The following SHLD1 variants were observed in gnomAD, a reference collection of about 807,000 sequenced individuals.
SHLD1 encodes the protein shieldin complex subunit 1, also known as RINN1-REV7-interacting novel NHEJ regulator 3.
In SHLD1, 3 loss-of-function variants were observed where a neutral mutation model predicts 5.5. The ratio of observed to expected loss-of-function variants is 0.54; its 90% CI spans 0.25 to 1.40. The LOEUF is 1.40. Ranked by LOEUF, SHLD1 falls within the 40% of genes most tolerant of loss-of-function variation. The probability of loss-of-function intolerance (pLI) is 0.15; values close to 1 mark genes in which losing one functional copy is unlikely to be tolerated. For synonymous variants in SHLD1, 92 were observed against 94.3 expected, an observed-to-expected ratio of 0.98 and a Z score of 0.14; for missense variants, 210 against 244.4, an observed-to-expected ratio of 0.86 and a Z score of 0.94.
chr20:5,844,799 A>ATATATTT (rs1460082835), intron 2 of SHLD1, among the ~76,000 whole-genome samples: 12 of 71,714 alleles, frequency 1.7e-4, no homozygotes, highest in East Asian at 1.5e-3. Context: ...ATATATATAT[A>ATATATTT]TTTTTTTTTT....
intron 1 of SHLD1, among the ~76,000 whole-genome samples, chr20:5,761,830 A>G (rs1368015174): frequency 6.6e-6 from 1 of 151,786 alleles, no homozygotes; most frequent in Non-Finnish European, 1.5e-5. Context: ...CTGCTCTCGA[A>G]CTACTGACCT....
At chr20:5,826,666 T>G (rs2087669097) in intron 2 of SHLD1, among the ~76,000 whole-genome samples, 1 of 152,116 alleles carries the variant, frequency 6.6e-6, no homozygotes. Context: ...AGAATATGAC[T>G]CTGGTACCGG....
chr20:5,859,698 A>G (rs1428175051), intron 2 of SHLD1, among the ~76,000 whole-genome samples: 2 of 152,240 alleles, frequency 1.3e-5, no homozygotes, highest in Admixed American at 6.5e-5. Flanking sequence ...AAATTTTAAA[A>G]GGAAATCAAA....
chr20:5,854,869 A>G (rs1600182853), intron 2 of SHLD1, among the ~76,000 whole-genome samples: 1 of 34,544 alleles, frequency 2.9e-5, no homozygotes, highest in African/African-American at 2.3e-4. Context: ...TGTCTCTATG[A>G]CTCTTTTTTT....
chr20:5,765,907 C>A (rs182485746), intron 1 of SHLD1, among the ~76,000 whole-genome samples: 1 of 150,806 alleles, frequency 6.6e-6, no homozygotes, highest in African/African-American at 2.4e-5. Context: ...ACATCAGCTA[C>A]TGCGCCCAGC....
rs865858854 is a variant in SHLD1 at position 5,758,431 on chromosome 20, T to A, written c.-5+7952T>A. On this transcript the variant is annotated intron_variant, in intron 1 of 2. Transcript: ENST00000303142. ...AAGTATTATTTTTTTTTATATTTTT[T>A]TTTTTTAGATGGAGTCTCGCTCTGT... is the stretch of plus-strand genomic sequence containing the variant. Among the ~76,000 whole-genome samples, 144 of 151,536 alleles carry A rather than the reference T, an allele frequency of 9.5e-4. 1 individual carries two copies. Among genetic ancestry groups the A allele is most frequent in the South Asian group, 6.1e-3 (29 of 4,792 alleles).
At chr20:5,772,213 C>T (rs1400392336) in intron 1 of SHLD1, 1 of 452,110 alleles carries the variant, frequency 2.2e-6, no homozygotes, top group Non-Finnish European at 4.4e-6. Context: ...TATTTTGTGG[C>T]CTATCTTTGG....
At position 5,777,458 on chromosome 20, in the gene SHLD1, C is replaced by T. The variant is rs371347262; in HGVS notation, c.178+4415C>T. Among the ~76,000 whole-genome samples, 17 of 151,412 alleles carry T rather than the reference C, an allele frequency of 1.1e-4. No individual in the cohort carries two copies. In the South Asian group the frequency reaches 2.1e-3, roughly 19 times the overall value. On this transcript the variant is annotated intron_variant, in intron 2 of 2. Coordinates refer to ENST00000303142, the MANE Select transcript of SHLD1 (RefSeq NM_152504.4). Reference sequence around the variant, plus strand: ...AATGTTTCACTTTTTTTTTCTTTTTCGAGGTATGATCCTGCTTTGTTGCCC... The same window carrying T: ...AATGTTTCACTTTTTTTTTCTTTTTTGAGGTATGATCCTGCTTTGTTGCCC...
intron 2 of SHLD1, among the ~76,000 whole-genome samples, chr20:5,805,330 T>C (rs1220519814): frequency 2.6e-5 from 4 of 152,074 alleles, no homozygotes; most frequent in Non-Finnish European, 1.5e-5. Flanking sequence ...GCTAATTTTG[T>C]ATTTTTAGTA....
At chr20:5,813,345 C>T (rs1227486153) in intron 2 of SHLD1, among the ~76,000 whole-genome samples, 8 of 151,774 alleles carry the variant, frequency 5.3e-5, no homozygotes, top group Admixed American at 2.0e-4. Context: ...AAAAAAATAG[C>T]GAGGCGTGGT....
Position 5,806,113 on chromosome 20 carries a change from C to T in SHLD1, c.178+33070C>T, listed in dbSNP as rs143811635. On this transcript the variant is annotated intron_variant, in intron 2 of 2. Coordinates refer to ENST00000303142, the MANE Select transcript of SHLD1 (RefSeq NM_152504.4). The surrounding 1 kb of genome is among the most constrained non-coding windows in gnomAD (Gnocchi z 7.6). ...CTCCTGGGTTCAAGTGATTCTCCTG[C>T]GTCAGCCTCCCAAAATGTTGGGATA... Among the ~76,000 whole-genome samples, 233 of 152,296 alleles carry T rather than the reference C, an allele frequency of 1.5e-3. 1 individual carries two copies. Among genetic ancestry groups the T allele is most frequent in the African/African-American group, 5.2e-3 (215 of 41,578 alleles).
Position 5,807,484 on chromosome 20 carries a change from C to T in SHLD1, c.178+34441C>T, listed in dbSNP as rs145354313. 2.0e-3 allele frequency among the ~76,000 whole-genome samples: 307 copies of T among 152,218 alleles called. 1 individual carries two copies. The highest frequency in any genetic ancestry group is 7.1e-3 in the African/African-American group (293 of 41,546). On this transcript the variant is annotated intron_variant, in intron 2 of 2. Coordinates refer to ENST00000303142, the MANE Select transcript of SHLD1 (RefSeq NM_152504.4). Reference sequence around the variant, plus strand: ...CTCCTGGGCTCAAGCCATCCTCCTGCCTCAGTCTCCTGTGTAGCTGGGACT... The same window carrying T: ...CTCCTGGGCTCAAGCCATCCTCCTGTCTCAGTCTCCTGTGTAGCTGGGACT...
chr20:5,830,494 A>G (rs894062895), intron 2 of SHLD1, among the ~76,000 whole-genome samples: 1 of 151,964 alleles, frequency 6.6e-6, no homozygotes, highest in Non-Finnish European at 1.5e-5. Flanking sequence ...AGCCTGACCA[A>G]CATGGACCAA....
At chr20:5,751,413 T>C (rs1983742623) in intron 1 of SHLD1, among the ~76,000 whole-genome samples, 2 of 152,096 alleles carry the variant, frequency 1.3e-5, no homozygotes, top group Non-Finnish European at 2.9e-5. Context: ...TTCAAGCTAG[T>C]CTCCTGCCTG....
intron 2 of SHLD1, among the ~76,000 whole-genome samples, chr20:5,815,305 T>C (rs577315663): frequency 6.6e-6 from 1 of 152,310 alleles, no homozygotes; most frequent in East Asian, 1.9e-4. Context: ...TTGTAAAAGC[T>C]CAAGTGCTTC....
At chr20:5,758,646 G>A (rs1466227205) in intron 1 of SHLD1, among the ~76,000 whole-genome samples, 1 of 151,810 alleles carries the variant, frequency 6.6e-6, no homozygotes, top group Non-Finnish European at 1.5e-5. Context: ...GTCTCAAACT[G>A]CTGACCTTGT....
chr20:5,852,425 C>T (rs1008414929), intron 2 of SHLD1, among the ~76,000 whole-genome samples: 2 of 150,998 alleles, frequency 1.3e-5, no homozygotes, highest in African/African-American at 4.9e-5. Flanking sequence ...CCCTTCCTTC[C>T]TTCCTTCCTT....
At chr20:5,767,706 G>C (rs193025772) in intron 1 of SHLD1, among the ~76,000 whole-genome samples, 11 of 152,316 alleles carry the variant, frequency 7.2e-5, no homozygotes, top group Admixed American at 3.3e-4. Flanking sequence ...ATGACACCTG[G>C]TGCCAGCTAT....
chr20:5,761,974 A>G lies in SHLD1; in HGVS notation c.-4-10888A>G, dbSNP rs556973072. ...GGTAAGTATTTTTTTTTCACTAAAA[A>G]TTACAGGTGGCTCACACCTGTAATC... On this transcript the variant is annotated intron_variant, in intron 1 of 2. Coordinates refer to ENST00000303142, the MANE Select transcript of SHLD1 (RefSeq NM_152504.4). Among the ~76,000 whole-genome samples, 5 of 151,932 alleles carry G rather than the reference A, an allele frequency of 3.3e-5. No homozygotes were observed. In the South Asian group the frequency reaches 1.0e-3, roughly 32 times the overall value.
Sources: allele counts gnomAD v4.1 joint callset (sites outside exome capture counted in the v4.1 genomes callset), GRCh38; gene constraint gnomAD v4.1.1; non-coding constraint Gnocchi (gnomAD v3.1); transcripts MANE v1.5; gene names NCBI Gene and HGNC (gene_info 2026-07-23, HGNC 2026-07-21).